The following DGKH variants were observed in gnomAD, a reference collection of about 807,000 sequenced individuals.
DGKH encodes the protein diacylglycerol kinase eta, also known as DAG kinase eta.
Under a neutral mutation model 159.3 loss-of-function variants are expected in DGKH, and 90 were observed. The ratio of observed to expected loss-of-function variants is 0.57; its 90% CI spans 0.48 to 0.67. DGKH has a LOEUF of 0.67. Ranked by LOEUF, DGKH falls within the 30% of genes least tolerant of loss-of-function variation. The probability of loss-of-function intolerance (pLI) is 0.00; values close to 1 mark genes in which losing one functional copy is unlikely to be tolerated. For missense variants in DGKH, 1,181 were observed against 1,506.1 expected (o/e 0.78, Z 3.57); for synonymous variants, 536 against 553.8 (o/e 0.97, Z 0.45).
In DGKH at chr13:42,233,461, G is replaced by T. The variant is rs1442505578; in HGVS notation, c.*4273G>T. The T allele has an allele frequency of 1.3e-5, 2 of 152,188 alleles. No homozygotes were observed. The highest frequency in any genetic ancestry group is 2.9e-5 in the Non-Finnish European group (2 of 68,054). The allele number at this position is 152,188 out of a possible 1,614,324, so 9.4% of individuals were successfully genotyped here. On this transcript the variant is annotated 3_prime_UTR_variant, in exon 30 of 30. Coordinates refer to ENST00000337343, the MANE Select transcript of DGKH (RefSeq NM_178009.5). ...CTTAGCTATTAGGGATGTGAGGTCC[G>T]AGGGCTTCAAAAGGTCCCCGGAATA...
intron 3 of DGKH, among the ~76,000 whole-genome samples, chr13:42,152,223 T>G (rs932857952): frequency 4.6e-5 from 7 of 152,142 alleles, no homozygotes; most frequent in African/African-American, 1.7e-4. Context: ...CCACTAAAAT[T>G]GTGATAATTT....
Position 42,229,141 on chromosome 13 carries a change from C to T in DGKH, c.3616C>T (p.Gln1206Ter). Residue 1206 changes from glutamine to a stop codon, truncating the protein, a stop_gained, in exon 30 of 30, where the codon CAG becomes TAG. Coordinates refer to ENST00000337343, the MANE Select transcript of DGKH (RefSeq NM_178009.5). LOFTEE classifies it high-confidence loss of function. ...PKVGHVKRIL[Q>*]GIKELGRSTP... ...AGTGGGTCATGTGAAGCGAATTCTC[C>T]AGGGAATTAAAGAGCTTGGAAGGAG... 2 of 1,611,370 alleles carry T rather than the reference C, an allele frequency of 1.2e-6. No homozygotes were observed. Among genetic ancestry groups the T allele is most frequent in the Non-Finnish European group, 1.7e-6 (2 of 1,179,314 alleles).
chr13:42,067,462 C>G lies in DGKH; in HGVS notation c.192+18497C>G, dbSNP rs115383911. The stretch of plus-strand genomic sequence containing the variant: ...AATTACTCATTTCATTTAAGAAGAC[C>G]ATTTTTCTCTCCTCACCAAGCACAT... On this transcript the variant is annotated intron_variant, in intron 1 of 29. Coordinates refer to ENST00000337343, the MANE Select transcript of DGKH (RefSeq NM_178009.5). 8.2e-3 allele frequency among the ~76,000 whole-genome samples: 1,246 copies of G among 152,154 alleles called. 21 individuals carry two copies. Among genetic ancestry groups the G allele is most frequent in the African/African-American group, 0.029 (1,199 of 41,538 alleles).
In DGKH at chr13:42,190,390, T is replaced by C. The variant is rs370606805; in HGVS notation, c.1913-13T>C. On this transcript the variant is annotated splice_polypyrimidine_tract_variant and intron_variant, in intron 15 of 29. Coordinates refer to ENST00000337343, the MANE Select transcript of DGKH (RefSeq NM_178009.5). ...TCACTTATCCAAACTATTTGTCTTC[T>C]TACTACCTGAAGTTATGGATGACCC... The C allele has an allele frequency of 7.5e-6, 12 of 1,602,996 alleles. No individual in the cohort carries two copies. The highest frequency in any genetic ancestry group is 9.3e-6 in the Non-Finnish European group (11 of 1,176,552).
intron 1 of DGKH, chr13:42,069,237 A>C (rs1320697549): frequency 1.8e-6 from 2 of 1,138,898 alleles, no homozygotes; most frequent in African/African-American, 3.1e-5. Context: ...TTCCTTCTTA[A>C]CTTGTTCATC....
intron 30 of DGKH, among the ~76,000 whole-genome samples, chr13:42,255,182 T>C (rs1958648928): frequency 6.6e-6 from 1 of 151,746 alleles, no homozygotes; most frequent in Non-Finnish European, 1.5e-5. Context: ...AGGGAACATA[T>C]CTTTTAACCA....
intron 3 of DGKH, among the ~76,000 whole-genome samples, chr13:42,139,417 A>G (rs1221270562): frequency 6.6e-6 from 1 of 152,224 alleles, no homozygotes; most frequent in Non-Finnish European, 1.5e-5. Flanking sequence ...GGTGGTTAAT[A>G]GACACTATCA....
At chr13:42,133,004 T>TA (rs1045971925) in intron 3 of DGKH, among the ~76,000 whole-genome samples, 50 of 151,582 alleles carry the variant, frequency 3.3e-4, no homozygotes, top group Middle Eastern at 3.4e-3. Context: ...CCGTCTTTAC[T>TA]AAAAAAAATA....
At chr13:42,140,931 T>A (rs1053994376) in intron 3 of DGKH, 4 of 150,912 alleles carry the variant, frequency 2.7e-5, no homozygotes, top group Admixed American at 1.3e-4. Flanking sequence ...TTTATTTTTT[T>A]ATTTTTATTT....
chr13:42,129,091 T>C (rs1489842989), intron 2 of DGKH, among the ~76,000 whole-genome samples: 4 of 152,216 alleles, frequency 2.6e-5, no homozygotes, highest in Non-Finnish European at 5.9e-5. Flanking sequence ...CGCATAGTTA[T>C]AGATGAGGAA....
At chr13:42,099,909 T>G (rs575959433) in intron 1 of DGKH, among the ~76,000 whole-genome samples, 1 of 152,294 alleles carries the variant, frequency 6.6e-6, no homozygotes, top group African/African-American at 2.4e-5. Context: ...TGTTCTAAAT[T>G]TTGTTTTAAA....
chr13:42,060,126 G>A (rs1277679784), intron 1 of DGKH, among the ~76,000 whole-genome samples: 2 of 151,220 alleles, frequency 1.3e-5, no homozygotes, highest in Non-Finnish European at 2.9e-5. Flanking sequence ...GGCTGGTCTC[G>A]AACTCCTGAC....
In DGKH at chr13:42,100,035, G is replaced by A. The variant is rs9532999; in HGVS notation, c.193-27428G>A. On this transcript the variant is annotated intron_variant, in intron 1 of 29. Coordinates refer to ENST00000337343, the MANE Select transcript of DGKH (RefSeq NM_178009.5). ...TCCCCATCCCCTGGGCCACCAGTCC[G>A]TGGCCTGTGAGGAACCAGGCCACAC... 1.8e-3 allele frequency among the ~76,000 whole-genome samples: 276 copies of A among 152,332 alleles called. 1 individual carries two copies. Among genetic ancestry groups the A allele is most frequent in the Non-Finnish European group, 2.4e-3 (165 of 68,028 alleles).
chr13:42,106,457 A>G (rs1158093847), intron 1 of DGKH, among the ~76,000 whole-genome samples: 1 of 152,220 alleles, frequency 6.6e-6, no homozygotes, highest in African/African-American at 2.4e-5. Flanking sequence ...CAGCATAGAC[A>G]ATGAGAGTAA....
chr13:42,100,129 C>T (rs1425553162), intron 1 of DGKH, among the ~76,000 whole-genome samples: 1 of 152,144 alleles, frequency 6.6e-6, no homozygotes, highest in East Asian at 1.9e-4. Flanking sequence ...CCATTGCTGG[C>T]ATTACCACCT....
chr13:42,244,808 G>T (rs1411846397), downstream of DGKH, among the ~76,000 whole-genome samples: 1 of 146,234 alleles, frequency 6.8e-6, no homozygotes, highest in East Asian at 2.1e-4. Flanking sequence ...GGAGGCTGAG[G>T]CAGGAGAATG....
chr13:42,175,333 A>G (rs1048691592), intron 12 of DGKH, among the ~76,000 whole-genome samples: 1 of 152,214 alleles, frequency 6.6e-6, no homozygotes, highest in African/African-American at 2.4e-5. Flanking sequence ...AGAAAATAAA[A>G]TCACCTGTAG....
Position 42,236,450 on chromosome 13 carries a change from G to A in DGKH, c.*7262G>A, listed in dbSNP as rs1052331828. The stretch of plus-strand genomic sequence containing the variant: ...AATAAATATTTTTTTAAAATATAAA[G>A]CCAAAATGAATTCACCAATATTAAG... On this transcript the variant is annotated 3_prime_UTR_variant, in exon 30 of 30. Transcript: ENST00000337343. 1.3e-5 allele frequency: 2 copies of A among 151,988 alleles called. No homozygotes were observed. The highest frequency in any genetic ancestry group is 4.8e-5 in the African/African-American group (2 of 41,374). The allele number at this position is 151,988 out of a possible 1,614,324, so 9.4% of individuals were successfully genotyped here.
chr13:42,198,314 G>A (rs758399399), intron 17 of DGKH, among the ~76,000 whole-genome samples, 164 bp from the exon 18 acceptor site: 3 of 152,158 alleles, frequency 2.0e-5, no homozygotes, highest in Non-Finnish European at 2.9e-5. Context: ...ACTCACAAAT[G>A]TCATTGTTTT....
Sources: allele counts gnomAD v4.1 joint callset (sites outside exome capture counted in the v4.1 genomes callset), GRCh38; gene constraint gnomAD v4.1.1; transcripts MANE v1.5; gene names NCBI Gene and HGNC (gene_info 2026-07-23, HGNC 2026-07-21).